Variants in LAMB1 observed in about 807,000 individuals in gnomAD.
LAMB1 encodes the protein laminin subunit beta 1.
Under a neutral mutation model 222.3 loss-of-function variants are expected in LAMB1, and 121 were observed. The observed-to-expected ratio is 0.54, with a 90% confidence interval of 0.47 to 0.63. The LOEUF (loss-of-function observed/expected upper bound fraction) is 0.63. Ranked by LOEUF, LAMB1 falls within the 30% of genes least tolerant of loss-of-function variation. LAMB1 has a pLI of 0.00. For synonymous variants in LAMB1, 794 were observed against 807.2 expected (o/e 0.98, Z 0.28); for missense variants, 2,172 against 2,240.8 (o/e 0.97, Z 0.62).
intron 29 of LAMB1, among the ~76,000 whole-genome samples, chr7:107,930,455 C>T (rs2032678327): frequency 1.3e-5 from 2 of 152,186 alleles, no homozygotes; most frequent in Admixed American, 1.3e-4. Flanking sequence ...TTTTTTCTTG[C>T]TAACAGAATA....
chr7:107,947,132 T>C (rs1428923961), intron 24 of LAMB1, among the ~76,000 whole-genome samples: 2 of 152,158 alleles, frequency 1.3e-5, no homozygotes. Context: ...AGCACAGTGG[T>C]GGGCTTGTTC....
chr7:107,954,225 G>C (rs2033326333), intron 21 of LAMB1, among the ~76,000 whole-genome samples: 1 of 152,006 alleles, frequency 6.6e-6, no homozygotes, highest in Non-Finnish European at 1.5e-5. Flanking sequence ...CATGATAATA[G>C]CTCACTGCAG....
Position 107,952,239 on chromosome 7 carries a change from A to T in LAMB1, c.3080-16T>A. 6.4e-7 allele frequency: 1 copy of T among 1,570,736 alleles called. No homozygotes were observed. Among genetic ancestry groups the T allele is most frequent in the South Asian group, 1.1e-5 (1 of 87,780 alleles). ...CAGACACACTCTGCAAAAGAACATC[A>T]CATTTACTTATTGTCACACTCCCAA... is the stretch of plus-strand genomic sequence containing the variant. On this transcript the variant is annotated splice_polypyrimidine_tract_variant and intron_variant, in intron 22 of 33. Coordinates refer to ENST00000222399, the MANE Select transcript of LAMB1 (RefSeq NM_002291.3).
intron 9 of LAMB1, among the ~76,000 whole-genome samples, chr7:107,976,113 G>A (rs2033848630): frequency 6.6e-6 from 1 of 152,200 alleles, no homozygotes; most frequent in Non-Finnish European, 1.5e-5. Context: ...TCTGACCTCT[G>A]TGGAAGAGAA....
At position 107,975,798 on chromosome 7, in the gene LAMB1, G is replaced by A. The variant is rs765121883; in HGVS notation, c.1080C>T (p.Gly360=). 1.7e-5 allele frequency: 28 copies of A among 1,613,752 alleles called. No individual in the cohort carries two copies. The South Asian group carries it at 2.4e-4, about 14-fold the overall frequency. Residue 360 remains glycine, a synonymous_variant, in exon 10 of 34, where the codon GGC becomes GGT. Transcript: ENST00000222399. ...VYLATGNVSG[G]VCDDCQHNTM... is the part of the protein sequence containing the mutation. ...TGTTGTGCTGACAGTCATCACACAC[G>A]CCTCCGCTGACGTTCCCCGTGGCCA...
intron 8 of LAMB1, among the ~76,000 whole-genome samples, chr7:107,978,895 C>T (rs184809587): frequency 3.9e-4 from 60 of 152,252 alleles, no homozygotes; most frequent in African/African-American, 1.4e-3. Context: ...CCTTTTGGTC[C>T]ACTAAATATG....
At chr7:107,988,438 TCAAA>T (rs150567482) in intron 5 of LAMB1, among the ~76,000 whole-genome samples, 5,560 of 151,474 alleles carry the variant, frequency 0.037, 120 homozygotes, top group African/African-American at 0.039. Context: ...ATATGATGTC[TCAAA>T]CAAAAAAAAA....
chr7:107,925,512 G>T (rs528010856), intron 32 of LAMB1, among the ~76,000 whole-genome samples: 7 of 152,146 alleles, frequency 4.6e-5, no homozygotes, highest in African/African-American at 1.7e-4. Context: ...CTGGTCCTTG[G>T]TGCCAAAAAA....
At chr7:107,969,827 A>G (rs1040676204) in intron 13 of LAMB1, among the ~76,000 whole-genome samples, 5 of 152,264 alleles carry the variant, frequency 3.3e-5, no homozygotes, top group African/African-American at 1.2e-4. Context: ...GAAAAGCTAC[A>G]GTAAAAATAC....
At chr7:107,968,033 G>A (rs1036172585) in intron 13 of LAMB1, among the ~76,000 whole-genome samples, 47 of 152,076 alleles carry the variant, frequency 3.1e-4, no homozygotes, top group African/African-American at 3.9e-4. Flanking sequence ...GGGGAATGTG[G>A]GCAGAGATGG....
At chr7:107,930,443 C>G (rs1489741071) in intron 29 of LAMB1, among the ~76,000 whole-genome samples, 4 of 152,168 alleles carry the variant, frequency 2.6e-5, no homozygotes, top group African/African-American at 7.2e-5. Flanking sequence ...ATTAGCCATG[C>G]CTTTTTTCTT....
At chr7:108,002,167 C>A in intron 2 of LAMB1, 1 of 1,426,078 alleles carries the variant, frequency 7.0e-7, no homozygotes, top group Non-Finnish European at 9.3e-7. Flanking sequence ...GCCCGCGCAT[C>A]CTCGGTGTGA....
At position 107,923,842 on chromosome 7, in the gene LAMB1, T is replaced by A; in HGVS notation, c.*109A>T. The A allele has an allele frequency of 9.7e-7, 1 of 1,027,918 alleles. No individual in the cohort carries two copies. The highest frequency in any genetic ancestry group is 1.4e-6 in the Non-Finnish European group (1 of 708,928). 63.7% of individuals were successfully genotyped at this position (1,027,918 alleles called of 1,614,324 possible). A position where few individuals can be genotyped will look rare whatever the true frequency, so the allele number is the denominator to read the frequency against. On this transcript the variant is annotated 3_prime_UTR_variant, in exon 34 of 34. Transcript: ENST00000222399. Reference sequence around the variant, plus strand: ...ACTTTATTTAACTCCATACAAAATGTGATTAAAAACATTAAATAGGTGATG... The same window carrying A: ...ACTTTATTTAACTCCATACAAAATGAGATTAAAAACATTAAATAGGTGATG...
At chr7:107,980,034 C>T (rs191104691) in intron 8 of LAMB1, among the ~76,000 whole-genome samples, 319 of 152,162 alleles carry the variant, frequency 2.1e-3, no homozygotes, top group Non-Finnish European at 3.2e-3. Flanking sequence ...ATGATGAAAC[C>T]CCACCTCTAC....
chr7:107,931,596 A>G (rs2032713055), intron 28 of LAMB1, 96 bp from the exon 29 acceptor site: 3 of 1,160,712 alleles, frequency 2.6e-6, no homozygotes, highest in South Asian at 1.3e-5. Flanking sequence ...TTGAAAAACT[A>G]TGTACTTGGA....
At chr7:107,946,838 T>C (rs1267012568) in intron 24 of LAMB1, among the ~76,000 whole-genome samples, 1 of 152,214 alleles carries the variant, frequency 6.6e-6, no homozygotes, top group Non-Finnish European at 1.5e-5. Flanking sequence ...TGTGTTTTTC[T>C]ACTAAAAAAC....
intron 24 of LAMB1, among the ~76,000 whole-genome samples, chr7:107,950,789 C>A (rs996068078): frequency 6.6e-6 from 1 of 152,206 alleles, no homozygotes; most frequent in Admixed American, 6.5e-5. Context: ...CCATTTACCT[C>A]TTCTTGTGCC....
At chr7:108,002,388 G>C (rs1317220869) in intron 2 of LAMB1, 2 of 1,316,064 alleles carry the variant, frequency 1.5e-6, no homozygotes, top group South Asian at 2.5e-5. Context: ...GCTGTTTCTG[G>C]TGCCATCCGG....
At chr7:107,969,267 G>A (rs1464292534) in intron 13 of LAMB1, among the ~76,000 whole-genome samples, 15 of 139,852 alleles carry the variant, frequency 1.1e-4, no homozygotes, top group African/African-American at 2.7e-4. Flanking sequence ...CAGCCTGGGC[G>A]ACAGAGCGAG....
Sources: allele counts gnomAD v4.1 joint callset (sites outside exome capture counted in the v4.1 genomes callset), GRCh38; gene constraint gnomAD v4.1.1; transcripts MANE v1.5; gene names NCBI Gene and HGNC (gene_info 2026-07-23, HGNC 2026-07-21).